The following NEK1 variants were observed in gnomAD, a reference collection of about 807,000 sequenced individuals.
The protein encoded by NEK1 is serine/threonine-protein kinase Nek1.
A neutral mutation model predicts 182.1 loss-of-function variants in NEK1; 137 were observed. The ratio of observed to expected loss-of-function variants is 0.75; its 90% CI spans 0.65 to 0.87. The LOEUF (loss-of-function observed/expected upper bound fraction) is 0.87, where lower values mean the gene tolerates loss of function less well. Ranked by LOEUF, NEK1 falls within the 40% of genes least tolerant of loss-of-function variation. The pLI is 0.00. For missense variants in NEK1, 1,391 were observed against 1,494.4 expected (o/e 0.93, Z 1.14); for synonymous variants, 513 against 492.2 (o/e 1.04, Z -0.56).
rs375173827 is a variant in NEK1, at chr4:169,477,252, T to C, written c.2306A>G (p.His769Arg). 54 of 1,600,396 alleles carry C rather than the reference T, an allele frequency of 3.4e-5. No individual in the cohort carries two copies. The Middle Eastern group carries it at 4.9e-4, about 15-fold the overall frequency. ...NLSDTFEINV[H>R]EDAKEHEKEK... ...TTTTTCATGCTCTTTGGCATCTTCA[T>C]GAACATTTATCTCAAAAGTATCAGA... The change falls in exon 26 of 36, where the codon CAT becomes CGT. Residue 769 changes from histidine to arginine, a missense_variant. His to Arg is a conservative substitution (Grantham distance 29). Around this residue, in one of 5 missense-constraint regions of NEK1, gnomAD observed 1,216 missense variants for 1,277.6 expected, o/e 0.95. Transcript: ENST00000507142.
At chr4:169,553,646 C>T (rs1218871903) in intron 18 of NEK1, among the ~76,000 whole-genome samples, 1 of 152,110 alleles carries the variant, frequency 6.6e-6, no homozygotes, top group Admixed American at 6.6e-5. Flanking sequence ...ATACAAAGAA[C>T]TTTTAAAACT....
At chr4:169,524,583 GA>G (rs997624432) in intron 19 of NEK1, among the ~76,000 whole-genome samples, 1 of 151,938 alleles carries the variant, frequency 6.6e-6, no homozygotes, top group Non-Finnish European at 1.5e-5. Flanking sequence ...ATATGTGTGT[GA>G]AAAAAGAGTA....
intron 23 of NEK1, among the ~76,000 whole-genome samples, chr4:169,503,540 G>GAATAGAGA (rs1289113859): frequency 6.6e-6 from 1 of 152,098 alleles, no homozygotes; most frequent in Non-Finnish European, 1.5e-5. Flanking sequence ...CAGTGGAACA[G>GAATAGAGA]AATAGAGAAC....
chr4:169,404,452 C>T (rs575330270), intron 32 of NEK1, among the ~76,000 whole-genome samples: 13 of 152,170 alleles, frequency 8.5e-5, no homozygotes, highest in Middle Eastern at 6.8e-3. Flanking sequence ...AATGTGCCAG[C>T]GGCATCGATC....
Position 169,560,471 on chromosome 4 carries a change from C to T in NEK1, c.1266+1009G>A, listed in dbSNP as rs372927143. Among the ~76,000 whole-genome samples the T allele has an allele frequency of 3.9e-5, 6 of 152,198 alleles. 1 individual carries two copies. Among genetic ancestry groups the T allele is most frequent in the African/African-American group, 9.6e-5 (4 of 41,542 alleles). On this transcript the variant is annotated intron_variant, in intron 16 of 35. Coordinates refer to ENST00000507142, the MANE Select transcript of NEK1 (RefSeq NM_001199397.3). ...GCTATGAAGGAGTCTTATATGTTAA[C>T]GTAACCCTGGGAGAGACCATCCCAT...
rs189427878 is a variant in NEK1 at position 169,478,469 on chromosome 4, C to T, written c.2139+934G>A. 9.5e-4 allele frequency: 145 copies of T among 152,116 alleles called. 1 individual carries two copies. Among genetic ancestry groups the T allele is most frequent in the African/African-American group, 3.4e-3 (140 of 41,534 alleles). The allele number at this position is 152,116 out of a possible 1,614,324, so 9.4% of individuals were successfully genotyped here. ...GTGGTATCTAAAGTTGGAGTAACAACGTGGCACACGCAAAGTCGTTATCAG... is the reference window on the plus strand; with the variant it reads ...GTGGTATCTAAAGTTGGAGTAACAATGTGGCACACGCAAAGTCGTTATCAG... On this transcript the variant is annotated intron_variant, in intron 24 of 35. Transcript: ENST00000507142.
At chr4:169,468,846 G>A (rs1293804089) in intron 26 of NEK1, among the ~76,000 whole-genome samples, 1 of 151,944 alleles carries the variant, frequency 6.6e-6, no homozygotes, top group Non-Finnish European at 1.5e-5. Context: ...TTTAGTCTTG[G>A]GAGGGTGTAT....
intron 18 of NEK1, among the ~76,000 whole-genome samples, chr4:169,539,101 T>C (rs1209868652): frequency 6.6e-6 from 1 of 152,162 alleles, no homozygotes; most frequent in South Asian, 2.1e-4. Flanking sequence ...TTTGAAGGCC[T>C]ATTACTGTTG....
chr4:169,432,926 G>GC (rs1561177836), intron 29 of NEK1, among the ~76,000 whole-genome samples: 1 of 151,994 alleles, frequency 6.6e-6, no homozygotes, highest in African/African-American at 2.4e-5. Context: ...GGCACCCGCC[G>GC]CCATGCCTGG....
intron 2 of NEK1, among the ~76,000 whole-genome samples, chr4:169,606,013 A>G (rs974542525): frequency 2.0e-5 from 3 of 152,048 alleles, no homozygotes; most frequent in African/African-American, 7.2e-5. Flanking sequence ...AACACGAAAG[A>G]TTTAAACCTA....
Position 169,580,844 on chromosome 4 carries a change from G to C in NEK1, c.866C>G (p.Pro289Arg). Reference sequence around the variant, plus strand: ...GCTTCATATCAGATTTCATTTACCTGGTATAGGCTGTGATCCAAACTTCGA... The same window carrying C: ...GCTTCATATCAGATTTCATTTACCTCGTATAGGCTGTGATCCAAACTTCGA... ...TFSKFGSQPI[P>R]AKRPASGQNS... The change falls in exon 11 of 36, where the codon CCA becomes CGA. Residue 289 changes from proline (P) to arginine (R), a missense_variant and splice_region_variant. Pro to Arg is a moderately radical substitution (Grantham distance 103). Transcript: ENST00000507142. 6.6e-7 allele frequency: 1 copy of C among 1,520,896 alleles called. No individual in the cohort carries two copies. The highest frequency in any genetic ancestry group is 8.9e-7 in the Non-Finnish European group (1 of 1,122,174). 94.2% of individuals were successfully genotyped at this position (1,520,896 alleles called of 1,614,324 possible).
At chr4:169,403,805 A>T (rs1579316918) in intron 32 of NEK1, among the ~76,000 whole-genome samples, 1 of 152,304 alleles carries the variant, frequency 6.6e-6, no homozygotes, top group African/African-American at 2.4e-5. Context: ...TAAGGTACTT[A>T]AAAAAATTTG....
intron 18 of NEK1, among the ~76,000 whole-genome samples, chr4:169,539,814 G>T (rs1759113517): frequency 1.3e-5 from 2 of 152,070 alleles, no homozygotes; most frequent in Non-Finnish European, 2.9e-5. Context: ...TCTCTGCTGT[G>T]TATCCTGATT....
At chr4:169,510,983 G>C (rs1754079092) in intron 19 of NEK1, among the ~76,000 whole-genome samples, 1 of 152,088 alleles carries the variant, frequency 6.6e-6, no homozygotes, top group Non-Finnish European at 1.5e-5. Context: ...ACTCATTAGA[G>C]TGCATTATAA....
At chr4:169,610,155 C>A (rs936607948) in intron 2 of NEK1, among the ~76,000 whole-genome samples, 3 of 151,984 alleles carry the variant, frequency 2.0e-5, no homozygotes, top group Non-Finnish European at 4.4e-5. Context: ...GAGTGTGACA[C>A]CATACCCAGC....
intron 9 of NEK1, 24 bp from the exon 10 acceptor site, chr4:169,585,573 A>T (rs1258772057): frequency 6.7e-7 from 1 of 1,483,518 alleles, no homozygotes; most frequent in Non-Finnish European, 9.3e-7. Context: ...AATAAATAAC[A>T]TATAGGAAAC....
At chr4:169,463,683 T>C (rs112664827) in intron 26 of NEK1, among the ~76,000 whole-genome samples, 3 of 152,314 alleles carry the variant, frequency 2.0e-5, no homozygotes, top group East Asian at 3.9e-4. Context: ...GTATCTCTTA[T>C]CTGAAATGCT....
At chr4:169,414,128 A>G (rs1734121553) in intron 31 of NEK1, among the ~76,000 whole-genome samples, 1 of 152,232 alleles carries the variant, frequency 6.6e-6, no homozygotes, top group Non-Finnish European at 1.5e-5. Context: ...CTATTACACT[A>G]ATAATTAGTA....
intron 19 of NEK1, among the ~76,000 whole-genome samples, chr4:169,537,202 G>T (rs1373321667): frequency 6.6e-6 from 1 of 152,114 alleles, no homozygotes; most frequent in Non-Finnish European, 1.5e-5. Flanking sequence ...AAACTATGAA[G>T]AGTTTTAACT....
Sources: allele counts gnomAD v4.1 joint callset (sites outside exome capture counted in the v4.1 genomes callset), GRCh38; gene constraint gnomAD v4.1.1; regional missense constraint gnomAD v4.1.1; transcripts MANE v1.5; gene names NCBI Gene and HGNC (gene_info 2026-07-23, HGNC 2026-07-21).